PROS1: variants seen among roughly 807,000 people sequenced by gnomAD.
PROS1 encodes protein S.
A neutral mutation model predicts 75.9 loss-of-function variants in PROS1; 29 were observed. That is an observed-to-expected ratio of 0.38 (90% CI 0.28 to 0.52). The LOEUF (loss-of-function observed/expected upper bound fraction) is 0.52, where lower values mean the gene tolerates loss of function less well. Among genes scored for constraint, PROS1 ranks in the 20% least tolerant of loss-of-function variants. PROS1 has a pLI of 0.83. For missense variants in PROS1, 680 were observed against 810.3 expected, an observed-to-expected ratio of 0.84 and a Z score of 1.95; for synonymous variants, 245 against 280.6, an observed-to-expected ratio of 0.87 and a Z score of 1.27.
chr3:93,941,715 C>A (rs555949628), intron 1 of PROS1, among the ~76,000 whole-genome samples: 4 of 152,174 alleles, frequency 2.6e-5, no homozygotes, highest in African/African-American at 7.2e-5. Context: ...CACCTTGTAG[C>A]CTTTTTGTCC....
At chr3:93,874,530 T>G in intron 14 of PROS1, 125 bp from the exon 15 acceptor site, 4 of 1,280,566 alleles carry the variant, frequency 3.1e-6, no homozygotes, top group Non-Finnish European at 4.3e-6. Flanking sequence ...AAGTTAATAG[T>G]GAAATTCTAT....
At position 93,906,153 on chromosome 3, in the gene PROS1, A is replaced by G. The variant is rs1303421220; in HGVS notation, c.347-10T>C. 6.2e-7 allele frequency: 1 copy of G among 1,612,468 alleles called. No homozygotes were observed. The highest frequency in any genetic ancestry group is 8.5e-7 in the Non-Finnish European group (1 of 1,179,452). ...CACTGGTCTGGAATGGCTGAAGGAA[A>G]TAGACATCTATTTATTTTTTTTATC... On this transcript the variant is annotated splice_polypyrimidine_tract_variant and intron_variant, in intron 4 of 14. Coordinates refer to ENST00000394236, the MANE Select transcript of PROS1 (RefSeq NM_000313.4).
chr3:93,885,605 T>G (rs1708335027), intron 11 of PROS1, among the ~76,000 whole-genome samples: 1 of 152,190 alleles, frequency 6.6e-6, no homozygotes, highest in Non-Finnish European at 1.5e-5. Context: ...CAAAAGTGTT[T>G]GCATTCTTTA....
At chr3:93,901,185 A>G (rs1708588066) in intron 6 of PROS1, among the ~76,000 whole-genome samples, 1 of 152,232 alleles carries the variant, frequency 6.6e-6, no homozygotes, top group Non-Finnish European at 1.5e-5. Context: ...AGAAAGCTTT[A>G]GAAATTTTCT....
intron 6 of PROS1, among the ~76,000 whole-genome samples, chr3:93,902,774 G>C (rs944949012): frequency 6.6e-6 from 1 of 151,678 alleles, no homozygotes; most frequent in Admixed American, 6.6e-5. Flanking sequence ...AGAAGAAGAA[G>C]AAAAGAAAAG....
intron 4 of PROS1, among the ~76,000 whole-genome samples, chr3:93,908,562 A>T (rs181718130): frequency 6.6e-6 from 1 of 152,308 alleles, no homozygotes; most frequent in African/African-American, 2.4e-5. Flanking sequence ...AGAGATCTGC[A>T]AAAAGATCCC....
chr3:93,897,991 G>C (rs1234343191), intron 8 of PROS1, among the ~76,000 whole-genome samples: 1 of 151,990 alleles, frequency 6.6e-6, no homozygotes, highest in Admixed American at 6.6e-5. Context: ...AACTGCACTT[G>C]TACCCTCTGA....
chr3:93,954,485 C>T (rs1251680069), intron 1 of PROS1, among the ~76,000 whole-genome samples: 4 of 152,148 alleles, frequency 2.6e-5, no homozygotes, highest in African/African-American at 9.7e-5. Flanking sequence ...AAAGGATTCC[C>T]TATTTAATAA....
Position 93,898,301 on chromosome 3 carries a change from TA to T in PROS1, c.849+146del. 5.5e-6 allele frequency: 5 copies of T among 903,124 alleles called. No homozygotes were observed. The Admixed American group carries it at 1.1e-4, about 19-fold the overall frequency. 55.9% of individuals were successfully genotyped at this position (903,124 alleles called of 1,614,324 possible). ...TTATGACTTACATGACCATAATTAG[TA>T]AATAATCATGACTCATAACCTGCTT... is the stretch of plus-strand genomic sequence containing the variant. On this transcript the variant is annotated intron_variant, in intron 8 of 14. Transcript: ENST00000394236.
intron 3 of PROS1, among the ~76,000 whole-genome samples, chr3:93,919,022 C>T (rs942335409): frequency 6.6e-6 from 1 of 152,038 alleles, no homozygotes; most frequent in African/African-American, 2.4e-5. Flanking sequence ...TTCATTGCTA[C>T]TAACCACTAA....
At chr3:93,961,691 T>C (rs1345683837) in intron 1 of PROS1, among the ~76,000 whole-genome samples, 1 of 152,202 alleles carries the variant, frequency 6.6e-6, no homozygotes, top group Non-Finnish European at 1.5e-5. Context: ...AGAAAATGAA[T>C]ACAAAAAGAG....
intron 1 of PROS1, among the ~76,000 whole-genome samples, chr3:93,960,167 C>T (rs548843340): frequency 3.3e-5 from 5 of 149,638 alleles, no homozygotes; most frequent in South Asian, 4.2e-4. Context: ...AGCAGAAGTG[C>T]GTTTGTCACT....
At chr3:93,941,181 C>T (rs1452155548) in intron 1 of PROS1, among the ~76,000 whole-genome samples, 2 of 152,134 alleles carry the variant, frequency 1.3e-5, no homozygotes, top group African/African-American at 2.4e-5. Flanking sequence ...TCTTTCCACT[C>T]CTCCACTTCT....
intron 3 of PROS1, among the ~76,000 whole-genome samples, chr3:93,920,631 A>G (rs1472344129): frequency 2.6e-5 from 4 of 152,160 alleles, no homozygotes; most frequent in Non-Finnish European, 5.9e-5. Context: ...CTTATGATCT[A>G]TACAATCCCT....
chr3:93,927,620 A>ATAATTATT (rs1709039714), intron 1 of PROS1, among the ~76,000 whole-genome samples: 1 of 151,880 alleles, frequency 6.6e-6, no homozygotes, highest in Non-Finnish European at 1.5e-5. Context: ...CCCTTGTATG[A>ATAATTATT]TGGTCTACAC....
At chr3:93,900,063 C>A (rs1269104814) in intron 7 of PROS1, among the ~76,000 whole-genome samples, 1 of 152,092 alleles carries the variant, frequency 6.6e-6, no homozygotes, top group Non-Finnish European at 1.5e-5. Flanking sequence ...CCAGCCATGG[C>A]AGTAAATCTG....
chr3:93,909,519 A>G (rs749201709), intron 4 of PROS1, among the ~76,000 whole-genome samples: 3 of 150,006 alleles, frequency 2.0e-5, no homozygotes, highest in Non-Finnish European at 4.4e-5. Context: ...GAAGCACTTT[A>G]TCAATATGGC....
chr3:93,951,338 C>T (rs1194333141), intron 1 of PROS1, among the ~76,000 whole-genome samples: 1 of 152,044 alleles, frequency 6.6e-6, no homozygotes, highest in Non-Finnish European at 1.5e-5. Context: ...TTAAGGGCAG[C>T]CAGAGAGAAA....
At chr3:93,888,099 A>T (rs1186549352) in intron 10 of PROS1, among the ~76,000 whole-genome samples, 2 of 152,228 alleles carry the variant, frequency 1.3e-5, no homozygotes, top group African/African-American at 4.8e-5. Flanking sequence ...ACATAGACAC[A>T]AAATATTTGC....
Sources: allele counts gnomAD v4.1 joint callset (sites outside exome capture counted in the v4.1 genomes callset), GRCh38; gene constraint gnomAD v4.1.1; transcripts MANE v1.5; gene names NCBI Gene and HGNC (gene_info 2026-07-23, HGNC 2026-07-21).